The following HS3ST5 variants were observed in gnomAD, a reference collection of about 807,000 sequenced individuals.
HS3ST5 encodes heparan sulfate-glucosamine 3-sulfotransferase 5, also known as heparan sulfate glucosamine 3-O-sulfotransferase 5.
Under a neutral mutation model 25.4 loss-of-function variants are expected in HS3ST5, and 10 were observed. The ratio of observed to expected loss-of-function variants is 0.39; its 90% CI spans 0.24 to 0.67. The LOEUF (loss-of-function observed/expected upper bound fraction) is 0.67, where lower values mean the gene tolerates loss of function less well. Ranked by LOEUF, HS3ST5 falls within the 30% of genes least tolerant of loss-of-function variation. The pLI is 0.44. For missense variants in HS3ST5, 324 were observed against 420.7 expected (o/e 0.77, Z 2.01); for synonymous variants, 170 against 162.4 (o/e 1.05, Z -0.36).
intron 3 of HS3ST5, among the ~76,000 whole-genome samples, chr6:114,113,912 A>G (rs891959712): frequency 1.3e-5 from 2 of 151,990 alleles, no homozygotes; most frequent in African/African-American, 2.4e-5. Context: ...CATTGTTATC[A>G]TTAGAAATCA....
At chr6:114,296,188 G>A (rs1035444318) in intron 1 of HS3ST5, among the ~76,000 whole-genome samples, 1 of 152,028 alleles carries the variant, frequency 6.6e-6, no homozygotes, top group Non-Finnish European at 1.5e-5. Flanking sequence ...ACTCAACAAA[G>A]GCATGTTATG....
chr6:114,209,147 G>A (rs1781402450), intron 2 of HS3ST5, among the ~76,000 whole-genome samples: 1 of 152,028 alleles, frequency 6.6e-6, no homozygotes, highest in South Asian at 2.1e-4. Context: ...AAACTAAAAT[G>A]GGTATAATGT....
At chr6:114,294,388 G>A (rs1774719994) in intron 1 of HS3ST5, among the ~76,000 whole-genome samples, 1 of 151,844 alleles carries the variant, frequency 6.6e-6, no homozygotes, top group African/African-American at 2.4e-5. Context: ...GATGGTTTTT[G>A]GTGTGTCCTC....
chr6:114,083,375 G>A (rs989155971), intron 3 of HS3ST5, among the ~76,000 whole-genome samples: 1 of 152,066 alleles, frequency 6.6e-6, no homozygotes, highest in Non-Finnish European at 1.5e-5. Flanking sequence ...CCCTCCCAAG[G>A]AGCCTGGGAG....
At chr6:114,309,212 G>A (rs1020098185) in intron 1 of HS3ST5, among the ~76,000 whole-genome samples, 2 of 152,024 alleles carry the variant, frequency 1.3e-5, no homozygotes, top group Non-Finnish European at 2.9e-5. Flanking sequence ...GAGCACTCAG[G>A]GACATAAAGT....
At chr6:114,225,268 G>T (rs1256895252) in intron 2 of HS3ST5, among the ~76,000 whole-genome samples, 1 of 151,760 alleles carries the variant, frequency 6.6e-6, no homozygotes, top group Non-Finnish European at 1.5e-5. Context: ...AAAGTAACAA[G>T]GCATTGAAGG....
intron 1 of HS3ST5, among the ~76,000 whole-genome samples, chr6:114,264,992 G>A (rs911943920): frequency 8.5e-5 from 13 of 152,116 alleles, no homozygotes; most frequent in Admixed American, 7.2e-4. Context: ...TGATCCTGTT[G>A]CCTCAGCCTC....
chr6:114,257,990 C>T (rs544198477), intron 1 of HS3ST5, among the ~76,000 whole-genome samples: 1 of 152,078 alleles, frequency 6.6e-6, no homozygotes, highest in Non-Finnish European at 1.5e-5. Flanking sequence ...AACTCTTGAC[C>T]CCAAGGGATC....
intron 1 of HS3ST5, among the ~76,000 whole-genome samples, chr6:114,322,875 T>C (rs557670713): frequency 1.3e-5 from 2 of 152,330 alleles, no homozygotes; most frequent in South Asian, 2.1e-4. Flanking sequence ...ATTTCCTTGC[T>C]TCATGGATGT....
intron 1 of HS3ST5, among the ~76,000 whole-genome samples, chr6:114,244,462 T>C (rs1242219345): frequency 6.6e-6 from 1 of 152,192 alleles, no homozygotes; most frequent in Non-Finnish European, 1.5e-5. Flanking sequence ...AAATAATGTA[T>C]TTCATAGGTT....
At chr6:114,062,113 A>C (rs1285740649) in intron 4 of HS3ST5, among the ~76,000 whole-genome samples, 2 of 152,060 alleles carry the variant, frequency 1.3e-5, no homozygotes, top group African/African-American at 4.8e-5. Context: ...TCAACTGTAC[A>C]CCTATTTAGA....
At chr6:114,220,593 T>C (rs1781985465) in intron 2 of HS3ST5, 2 of 152,044 alleles carry the variant, frequency 1.3e-5, no homozygotes, top group Non-Finnish European at 2.9e-5. Context: ...AATACAGTTG[T>C]ATTTTATTTG....
chr6:114,147,956 C>T (rs912204937), intron 3 of HS3ST5, among the ~76,000 whole-genome samples: 10 of 151,994 alleles, frequency 6.6e-5, no homozygotes, highest in Admixed American at 1.3e-4. Flanking sequence ...CTCCTTCATC[C>T]GAATGCATAA....
At chr6:114,172,623 TC>T (rs1779525505) in intron 2 of HS3ST5, among the ~76,000 whole-genome samples, 1 of 152,144 alleles carries the variant, frequency 6.6e-6, no homozygotes, top group Non-Finnish European at 1.5e-5. Context: ...GCTACCATCT[TC>T]CCCTAGGCTA....
At chr6:114,330,841 T>TA (rs1308974077) in intron 1 of HS3ST5, among the ~76,000 whole-genome samples, 1 of 151,970 alleles carries the variant, frequency 6.6e-6, no homozygotes, top group Non-Finnish European at 1.5e-5. Context: ...TTGTGTTGGG[T>TA]AAAAAAAGAC....
intron 3 of HS3ST5, among the ~76,000 whole-genome samples, chr6:114,099,164 A>G (rs1007396150): frequency 1.3e-5 from 2 of 152,118 alleles, no homozygotes; most frequent in Non-Finnish European, 2.9e-5. Context: ...CACCTTAGGA[A>G]TACACTAGAG....
chr6:114,335,061 G>T (rs889119747), intron 1 of HS3ST5, among the ~76,000 whole-genome samples: 2 of 152,086 alleles, frequency 1.3e-5, no homozygotes, highest in Non-Finnish European at 2.9e-5. Flanking sequence ...ATACTTGGGG[G>T]CTAACTGTAA....
At chr6:114,301,327 A>G (rs935866924) in intron 1 of HS3ST5, among the ~76,000 whole-genome samples, 3 of 152,212 alleles carry the variant, frequency 2.0e-5, no homozygotes, top group Non-Finnish European at 4.4e-5. Flanking sequence ...GGTCATTCAT[A>G]GGACACACTA....
At chr6:114,315,951 C>A (rs904451271) in intron 1 of HS3ST5, among the ~76,000 whole-genome samples, 3 of 152,108 alleles carry the variant, frequency 2.0e-5, no homozygotes, top group Non-Finnish European at 4.4e-5. Flanking sequence ...GAGTTTACTG[C>A]GCCTCACTGG....
Sources: gnomAD v4.1 joint callset for allele counts (sites outside exome capture counted in the v4.1 genomes callset) on GRCh38, gnomAD v4.1.1 for gene constraint, MANE v1.5 for transcripts, NCBI Gene and HGNC (gene_info 2026-07-23, HGNC 2026-07-21) for gene names.